Variants in C6 observed in about 807,000 individuals in gnomAD.
C6 encodes complement C6, also known as complement component C6.
Under a neutral mutation model 112.9 loss-of-function variants are expected in C6, and 101 were observed. The observed-to-expected ratio is 0.89, with a 90% confidence interval of 0.76 to 1.06. The LOEUF (loss-of-function observed/expected upper bound fraction) is 1.06. C6 is among the 50% of genes least tolerant of loss of function. The pLI, the probability that C6 is intolerant of heterozygous loss-of-function variation, is 0.00. For synonymous variants in C6, 431 were observed against 384.1 expected, an observed-to-expected ratio of 1.12 and a Z score of -1.43; for missense variants, 1,202 against 1,104.6, an observed-to-expected ratio of 1.09 and a Z score of -1.25.
chr5:41,214,434 T>A (rs1472919513), upstream of C6, among the ~76,000 whole-genome samples: 2 of 152,096 alleles, frequency 1.3e-5, no homozygotes, highest in Non-Finnish European at 1.5e-5. Context: ...TTAATATACA[T>A]GGTAGTAACT....
Position 41,199,672 on chromosome 5 carries a change from T to G in C6, c.445+96A>C, listed in dbSNP as rs570118378. The G allele has an allele frequency of 2.6e-5, 31 of 1,213,346 alleles. No individual in the cohort carries two copies. In the East Asian group the frequency reaches 7.2e-4, roughly 28 times the overall value. The allele number at this position is 1,213,346 out of a possible 1,614,324, so 75.2% of individuals were successfully genotyped here. On this transcript the variant is annotated intron_variant, in intron 4 of 17. Transcript: ENST00000337836. ...ACTCTGCTTAAAATGTGGTGGGATT[T>G]CTCTGTGATGGATTCTACTGTTAGT...
At chr5:41,172,606 A>G (rs1748522411) in intron 8 of C6, 1 of 535,500 alleles carries the variant, frequency 1.9e-6, no homozygotes, top group African/African-American at 1.9e-5. Flanking sequence ...AGAAGCACAT[A>G]TGAGCCATTT....
chr5:41,178,466 C>CTTTTTTTTTTTTTTTT (rs70988836), intron 7 of C6, among the ~76,000 whole-genome samples: 1 of 101,584 alleles, frequency 9.8e-6, no homozygotes, highest in Non-Finnish European at 1.9e-5. Flanking sequence ...TTTTCTTTTT[C>CTTTTTTTTTTTTTTTT]TTTTTTTTTT....
chr5:41,212,647 T>C (rs1752020906), intron 1 of C6, among the ~76,000 whole-genome samples: 3 of 152,188 alleles, frequency 2.0e-5, no homozygotes, highest in African/African-American at 7.2e-5. Flanking sequence ...AATAAAAGAA[T>C]GTTCGGTCAA....
chr5:41,221,474 C>G (rs1739160889), intron 1 of C6, among the ~76,000 whole-genome samples: 1 of 152,130 alleles, frequency 6.6e-6, no homozygotes, highest in Admixed American at 6.6e-5. Flanking sequence ...ATCCCATGAG[C>G]AGCACTGACA....
intron 1 of C6, among the ~76,000 whole-genome samples, chr5:41,226,452 A>T (rs1739508117): frequency 6.6e-6 from 1 of 152,202 alleles, no homozygotes; most frequent in Admixed American, 6.6e-5. Flanking sequence ...GTCAGGAAAC[A>T]ACAGGTGCTG....
upstream of C6, among the ~76,000 whole-genome samples, chr5:41,215,911 C>T (rs1752181258): frequency 6.6e-6 from 1 of 152,036 alleles, no homozygotes; most frequent in Admixed American, 6.6e-5. Flanking sequence ...CACATGCCAA[C>T]TTATCATTAT....
At chr5:41,144,696 G>C (rs2150215740) in intron 17 of C6, among the ~76,000 whole-genome samples, 2 of 152,230 alleles carry the variant, frequency 1.3e-5, no homozygotes, top group Non-Finnish European at 2.9e-5. Context: ...CAGGTAATAA[G>C]CATAGTGCAT....
rs1394530784 is a variant in C6 at position 41,199,767 on chromosome 5, C to A, written c.445+1G>T. On this transcript the variant is annotated splice_donor_variant, in intron 4 of 17. Coordinates refer to ENST00000337836, the MANE Select transcript of C6 (RefSeq NM_000065.5). LOFTEE classifies it high-confidence loss of function. ...CTGAACATTTCACAAAAATACATTA[C>A]CACTGTCACAGCGAAATTTATTCTT... The A allele has an allele frequency of 1.5e-5, 25 of 1,613,524 alleles. No homozygotes were observed. The highest frequency in any genetic ancestry group is 2.1e-5 in the Non-Finnish European group (25 of 1,179,548).
intron 1 of C6, among the ~76,000 whole-genome samples, chr5:41,260,486 A>T (rs1483741941): frequency 6.8e-6 from 1 of 148,028 alleles, no homozygotes; most frequent in Non-Finnish European, 1.5e-5. Context: ...AAAATGCTGC[A>T]ACTGCTGGCG....
intron 13 of C6, among the ~76,000 whole-genome samples, chr5:41,156,876 G>A (rs1022544307): frequency 2.0e-5 from 3 of 152,064 alleles, no homozygotes; most frequent in Admixed American, 1.3e-4. Flanking sequence ...TAACATATAA[G>A]TGTATGTTGC....
chr5:41,201,793 C>T, intron 2 of C6, 79 bp from the exon 3 acceptor site: 1 of 1,264,854 alleles, frequency 7.9e-7, no homozygotes, highest in Non-Finnish European at 1.2e-6. Flanking sequence ...TATCATTGAG[C>T]ATTAACTACA....
intron 1 of C6, among the ~76,000 whole-genome samples, chr5:41,230,622 C>T (rs751844104): frequency 2.6e-5 from 4 of 152,126 alleles, no homozygotes; most frequent in African/African-American, 4.8e-5. Context: ...ATCAGTAATT[C>T]TAATTTTGCC....
Position 41,142,280 on chromosome 5 carries a change from G to T in C6, c.*545C>A. Reference sequence around the variant, plus strand: ...TTTCATTTTTTGTGTGTCTACCCCTGAATGAATGTATGCTTCATGAAGGCA... The same window carrying T: ...TTTCATTTTTTGTGTGTCTACCCCTTAATGAATGTATGCTTCATGAAGGCA... On this transcript the variant is annotated 3_prime_UTR_variant, in exon 18 of 18. Coordinates refer to ENST00000337836, the MANE Select transcript of C6 (RefSeq NM_000065.5). The T allele has an allele frequency of 6.4e-6, 1 of 156,906 alleles. No individual in the cohort carries two copies. Among genetic ancestry groups the T allele is most frequent in the South Asian group, 1.9e-4 (1 of 5,306 alleles). 9.7% of individuals were successfully genotyped at this position (156,906 alleles called of 1,614,324 possible).
chr5:41,243,142 G>A lies in C6; in HGVS notation c.-21+18052C>T, dbSNP rs114070275. Among the ~76,000 whole-genome samples, 1,494 of 152,218 alleles carry A rather than the reference G, an allele frequency of 9.8e-3. 32 individuals are homozygous for A. Among genetic ancestry groups the A allele is most frequent in the African/African-American group, 0.034 (1,418 of 41,532 alleles). ...CATTTCAAAATTGCTAAGTGACTAAGTTTCAAATGTTCTCATCACAAAAAA... is the reference window on the plus strand; with the variant it reads ...CATTTCAAAATTGCTAAGTGACTAAATTTCAAATGTTCTCATCACAAAAAA... On this transcript the variant is annotated intron_variant, in intron 1 of 17. Coordinates refer to the C6 transcript ENST00000263413.
Position 41,193,857 on chromosome 5 carries a change from T to G in C6, c.587+1935A>C, listed in dbSNP as rs1267136632. On this transcript the variant is annotated intron_variant, in intron 5 of 17. Coordinates refer to ENST00000337836, the MANE Select transcript of C6 (RefSeq NM_000065.5). ...GATAGCAGGATTGGAGAGGCAGAGATTCTAAGGCCAGCAGATTAGAACAAG... is the reference window on the plus strand; with the variant it reads ...GATAGCAGGATTGGAGAGGCAGAGAGTCTAAGGCCAGCAGATTAGAACAAG... Among the ~76,000 whole-genome samples the G allele has an allele frequency of 4.7e-5, 7 of 149,304 alleles. No individual in the cohort carries two copies. In the Admixed American group the frequency reaches 4.7e-4, roughly 10 times the overall value.
intron 1 of C6, among the ~76,000 whole-genome samples, chr5:41,222,410 A>G (rs1238177475): frequency 6.6e-6 from 1 of 152,000 alleles, no homozygotes; most frequent in Non-Finnish European, 1.5e-5. Context: ...TGAAGTTTGC[A>G]TTAAACAGAA....
chr5:41,228,205 T>C (rs972592346), intron 1 of C6, among the ~76,000 whole-genome samples: 1 of 152,088 alleles, frequency 6.6e-6, no homozygotes, highest in Non-Finnish European at 1.5e-5. Flanking sequence ...CTTCATTCCT[T>C]TATTTTTGTG....
At chr5:41,245,216 A>G (rs1410403322) in intron 1 of C6, among the ~76,000 whole-genome samples, 1 of 152,160 alleles carries the variant, frequency 6.6e-6, no homozygotes, top group Non-Finnish European at 1.5e-5. Flanking sequence ...TTCATGTAAC[A>G]TTGGCATTTT....
Sources: allele counts gnomAD v4.1 joint callset (sites outside exome capture counted in the v4.1 genomes callset), GRCh38; gene constraint gnomAD v4.1.1; transcripts MANE v1.5; gene names NCBI Gene and HGNC (gene_info 2026-07-23, HGNC 2026-07-21).